The following NTN1 variants were observed in gnomAD, a reference collection of about 807,000 sequenced individuals.
The protein encoded by NTN1 is netrin 1, also known as netrin-1.
In NTN1, 11 loss-of-function variants were observed where a neutral mutation model predicts 54.2. The observed-to-expected ratio is 0.20, with a 90% CI of 0.13 to 0.34. NTN1 has a LOEUF of 0.34. Ranked by LOEUF, NTN1 falls within the 10% of genes least tolerant of loss-of-function variation. The pLI, the probability that NTN1 is intolerant of heterozygous loss-of-function variation, is 1.00. For missense variants in NTN1, 740 were observed against 893.1 expected (o/e 0.83, Z 2.18); for synonymous variants, 371 against 382.0 (o/e 0.97, Z 0.33).
chr17:9,072,858 G>C (rs1289799772), intron 2 of NTN1, among the ~76,000 whole-genome samples: 6 of 152,220 alleles, frequency 3.9e-5, no homozygotes, highest in Admixed American at 1.3e-4. Context: ...CGGGGAACCA[G>C]CAAAGCAGCT....
At chr17:9,019,933 C>T (rs2091840332), upstream of NTN1, among the ~76,000 whole-genome samples, 1 of 152,150 alleles carries the variant, frequency 6.6e-6, no homozygotes. Context: ...GTGTGGTAAA[C>T]GGCACAAGAA....
chr17:9,215,734 A>G (rs1381699046), intron 5 of NTN1, among the ~76,000 whole-genome samples: 1 of 152,028 alleles, frequency 6.6e-6, no homozygotes, highest in Non-Finnish European at 1.5e-5. Context: ...TTGTTGTTTA[A>G]TCTGTATATA....
chr17:9,191,621 T>A (rs1018761002), intron 5 of NTN1, among the ~76,000 whole-genome samples: 2 of 152,078 alleles, frequency 1.3e-5, no homozygotes, highest in Admixed American at 1.3e-4. Flanking sequence ...TATCCTAATA[T>A]GAAATCAGGC....
At chr17:9,128,567 T>C (rs564328054) in intron 2 of NTN1, among the ~76,000 whole-genome samples, 2 of 152,304 alleles carry the variant, frequency 1.3e-5, no homozygotes, top group East Asian at 3.9e-4. Context: ...TGCCCCATTG[T>C]CTCACACTAC....
In NTN1 at chr17:9,225,021, G is replaced by A. The variant is rs373699566; in HGVS notation, c.1486+3779G>A. On this transcript the variant is annotated intron_variant, in intron 6 of 6. Coordinates refer to ENST00000173229, the MANE Select transcript of NTN1 (RefSeq NM_004822.3). ...GTCACTTAAAAGTTGGGGGCACTTC[G>A]GGAGGCAGAGGTGGGCGGATCACGA... Among the ~76,000 whole-genome samples, 29 of 152,244 alleles carry A rather than the reference G, an allele frequency of 1.9e-4. No homozygotes were observed. In the East Asian group the frequency reaches 5.2e-3, roughly 27 times the overall value.
At chr17:9,070,600 A>T (rs1354357518) in intron 2 of NTN1, among the ~76,000 whole-genome samples, 1 of 151,516 alleles carries the variant, frequency 6.6e-6, no homozygotes, top group African/African-American at 2.4e-5. Context: ...TCACATTTTT[A>T]TTTTTTTTGA....
intron 5 of NTN1, among the ~76,000 whole-genome samples, chr17:9,215,056 T>A (rs983190615): frequency 3.3e-5 from 5 of 152,202 alleles, no homozygotes; most frequent in African/African-American, 1.2e-4. Flanking sequence ...TGTGATTATC[T>A]TTGGGTTTTT....
chr17:9,167,614 T>A (rs1217620433), intron 3 of NTN1, among the ~76,000 whole-genome samples: 1 of 152,048 alleles, frequency 6.6e-6, no homozygotes, highest in Non-Finnish European at 1.5e-5. Flanking sequence ...GGTGCTTGAG[T>A]CCCAAGCAAG....
At chr17:9,123,775 ATTAAG>A (rs1189273657) in intron 2 of NTN1, among the ~76,000 whole-genome samples, 3 of 152,040 alleles carry the variant, frequency 2.0e-5, no homozygotes, top group Non-Finnish European at 4.4e-5. Flanking sequence ...TTTCTGTTTG[ATTAAG>A]TTTTCTCTTG....
chr17:9,214,476 G>C (rs534423895), intron 5 of NTN1, among the ~76,000 whole-genome samples: 1 of 152,230 alleles, frequency 6.6e-6, no homozygotes, highest in Admixed American at 6.5e-5. Flanking sequence ...TTCGTTTCTT[G>C]TTTTCATTTG....
rs71361855 is a variant in NTN1 at position 9,066,998 on chromosome 17, C to CAA, written c.1018+43623_1018+43624dup. On this transcript the variant is annotated intron_variant, in intron 2 of 6. Coordinates refer to ENST00000173229, the MANE Select transcript of NTN1 (RefSeq NM_004822.3). ...CCTGGGCGACAGAGTGACTCCATCT[C>CAA]AAAAAAAAAAAAAAAAAGGCACATT... 2.9e-3 allele frequency among the ~76,000 whole-genome samples: 258 copies of CAA among 89,334 alleles called. 5 individuals are homozygous for CAA. Among genetic ancestry groups the CAA allele is most frequent in the African/African-American group, 8.9e-3 (204 of 23,024 alleles). The allele number at this position is 89,334 out of a possible 152,430, so 58.6% of individuals were successfully genotyped here.
At chr17:9,118,388 C>G (rs369739834) in intron 2 of NTN1, among the ~76,000 whole-genome samples, 1 of 152,084 alleles carries the variant, frequency 6.6e-6, no homozygotes, top group African/African-American at 2.4e-5. Context: ...CGTGGTGGTG[C>G]GCACCTGTAG....
the NTN1 span, among the ~76,000 whole-genome samples, chr17:9,011,061 T>C: frequency 1.3e-5 from 2 of 152,096 alleles, no homozygotes; most frequent in Non-Finnish European, 2.9e-5. Context: ...TAGATCCTTC[T>C]CATGTGCAGT....
chr17:9,026,394 G>GGC (rs1555562105), intron 2 of NTN1, among the ~76,000 whole-genome samples: 18 of 151,000 alleles, frequency 1.2e-4, no homozygotes, highest in Admixed American at 3.3e-4. Flanking sequence ...TTTCTTCCGG[G>GGC]GGGGGGGAAC....
chr17:9,225,656 G>C (rs577713890), intron 6 of NTN1, among the ~76,000 whole-genome samples: 1 of 152,150 alleles, frequency 6.6e-6, no homozygotes, highest in Non-Finnish European at 1.5e-5. Context: ...GTGACCAGTA[G>C]GGGGAGGGCA....
At chr17:9,057,295 T>C (rs983201938) in intron 2 of NTN1, among the ~76,000 whole-genome samples, 2 of 152,232 alleles carry the variant, frequency 1.3e-5, no homozygotes, top group Non-Finnish European at 2.9e-5. Flanking sequence ...CTGAATTTGC[T>C]GTACAAACAA....
At chr17:9,043,218 ACTCT>A (rs886640949) in intron 2 of NTN1, among the ~76,000 whole-genome samples, 2 of 151,330 alleles carry the variant, frequency 1.3e-5, no homozygotes, top group Non-Finnish European at 2.9e-5. Context: ...ATTTTTTCTC[ACTCT>A]CTCTTTGCCT....
intron 2 of NTN1, among the ~76,000 whole-genome samples, chr17:9,111,459 C>G (rs1430947384): frequency 1.3e-5 from 2 of 151,888 alleles, no homozygotes; most frequent in African/African-American, 4.8e-5. Context: ...AAGGGGGTGT[C>G]AAGGAAGAAA....
intron 2 of NTN1, among the ~76,000 whole-genome samples, chr17:9,151,613 C>A (rs114700981): frequency 0.022 from 3,405 of 152,204 alleles, 141 homozygotes; most frequent in African/African-American, 0.077. Flanking sequence ...TCAAATTGGA[C>A]CCTAAAAACT....
Sources: allele counts gnomAD v4.1 joint callset (sites outside exome capture counted in the v4.1 genomes callset), GRCh38; gene constraint gnomAD v4.1.1; transcripts MANE v1.5; gene names NCBI Gene and HGNC (gene_info 2026-07-23, HGNC 2026-07-21).